The following RFX2 variants were observed in gnomAD, a reference collection of about 807,000 sequenced individuals.
RFX2 encodes the protein regulatory factor X2.
RFX2 carries 20 observed loss-of-function variants against 87.8 expected under a neutral mutation model. That is an observed-to-expected ratio of 0.23 (90% CI 0.16 to 0.33). The LOEUF is 0.33. Ranked by LOEUF, RFX2 falls within the 10% of genes least tolerant of loss-of-function variation. RFX2 has a pLI of 1.00. For synonymous variants in RFX2, 397 were observed against 431.3 expected, an observed-to-expected ratio of 0.92 and a Z score of 0.98; for missense variants, 767 against 1,012.3, an observed-to-expected ratio of 0.76 and a Z score of 3.29.
At chr19:6,003,940 G>A (rs1034742016) in intron 13 of RFX2, among the ~76,000 whole-genome samples, 7 of 152,082 alleles carry the variant, frequency 4.6e-5, no homozygotes, top group African/African-American at 9.7e-5. Context: ...TAAATTTCCC[G>A]AATAAGATGA....
chr19:6,019,329 T>G (rs892996501), intron 6 of RFX2, among the ~76,000 whole-genome samples: 4 of 152,114 alleles, frequency 2.6e-5, no homozygotes. Flanking sequence ...CCCTTCATCT[T>G]CCGACTTTCT....
chr19:6,000,796 G>T (rs1017394134), intron 15 of RFX2, among the ~76,000 whole-genome samples: 1 of 152,372 alleles, frequency 6.6e-6, no homozygotes, highest in African/African-American at 2.4e-5. Flanking sequence ...CATGAGAATG[G>T]ACTAATAATA....
chr19:6,056,053 A>G lies in RFX2; in HGVS notation c.-8-8549T>C, dbSNP rs78074720. Among the ~76,000 whole-genome samples, 3,293 of 152,162 alleles carry G rather than the reference A, an allele frequency of 0.022. 118 individuals are homozygous for G. Among genetic ancestry groups the G allele is most frequent in the African/African-American group, 0.075 (3,116 of 41,500 alleles). ...GGTGGCGGTGGGCGAGAGTGACTGG[A>G]AAGGGACAGGAGGGGACACTCCAGT... On this transcript the variant is annotated intron_variant, in intron 1 of 17. Coordinates refer to ENST00000303657, the MANE Select transcript of RFX2 (RefSeq NM_000635.4). The surrounding 1 kb of genome is among the most constrained non-coding windows in gnomAD (Gnocchi z 4.6).
rs1298920557 is a variant in RFX2, at chr19:5,998,081, G to GC, written c.1860-869dup. On this transcript the variant is annotated intron_variant, in intron 15 of 17. Coordinates refer to ENST00000303657, the MANE Select transcript of RFX2 (RefSeq NM_000635.4). This position sits in a 1 kb window ranked among gnomAD's most constrained non-coding sequence, Gnocchi z 4.2. ...CCAGCACTTTGGGAGGCCAGGGCGG[G>GC]CAGATCACTTGGGGTCAGGAGTTCT... Among the ~76,000 whole-genome samples the GC allele has an allele frequency of 2.6e-5, 4 of 152,126 alleles. No individual in the cohort carries two copies. The highest frequency in any genetic ancestry group is 9.7e-5 in the African/African-American group (4 of 41,420).
chr19:6,100,324 G>A (rs2088099298), intron 1 of RFX2, among the ~76,000 whole-genome samples: 1 of 152,282 alleles, frequency 6.6e-6, no homozygotes, highest in East Asian at 1.9e-4. Flanking sequence ...AACAAAAGTA[G>A]TAAGAAAGTG....
intron 7 of RFX2, among the ~76,000 whole-genome samples, chr19:6,014,403 AT>A (rs1435262248): frequency 1.3e-5 from 2 of 151,766 alleles, no homozygotes; most frequent in Admixed American, 1.3e-4. Context: ...TGCCTGGCTA[AT>A]TTTTTTGTAT....
At position 6,044,377 on chromosome 19, in the gene RFX2, C is replaced by G; in HGVS notation, c.91-95G>C. On this transcript the variant is annotated intron_variant, in intron 2 of 17. Transcript: ENST00000303657. The surrounding 1 kb of genome is among the most constrained non-coding windows in gnomAD (Gnocchi z 5.3). ...AAGATGCTGTTTGTCTGTTCATGTG[C>G]TTTTTATTAAAACATAGGCAGGACT... is the stretch of plus-strand genomic sequence containing the variant. 1.2e-6 allele frequency: 1 copy of G among 829,166 alleles called. No individual in the cohort carries two copies. The highest frequency in any genetic ancestry group is 1.7e-6 in the Non-Finnish European group (1 of 571,606). The allele number at this position is 829,166 out of a possible 1,614,324, so 51.4% of individuals were successfully genotyped here.
chr19:6,082,817 T>C (rs1230013544), intron 1 of RFX2, among the ~76,000 whole-genome samples: 1 of 151,966 alleles, frequency 6.6e-6, no homozygotes, highest in African/African-American at 2.4e-5. Flanking sequence ...GTAGGAGGAG[T>C]GAGTGTGGCC....
At chr19:6,066,078 C>T (rs1341165765) in intron 1 of RFX2, among the ~76,000 whole-genome samples, 1 of 152,112 alleles carries the variant, frequency 6.6e-6, no homozygotes, top group Non-Finnish European at 1.5e-5. Context: ...AGCAACAAAC[C>T]CTTGTCAACA....
chr19:6,107,069 G>GC (rs2088227899), intron 1 of RFX2, among the ~76,000 whole-genome samples: 1 of 149,282 alleles, frequency 6.7e-6, no homozygotes, highest in South Asian at 2.1e-4. Flanking sequence ...GCCAAGGTGG[G>GC]CGGATCACAT....
Position 6,002,963 on chromosome 19 carries a change from AG to A in RFX2, c.1501-94del. On this transcript the variant is annotated intron_variant, in intron 13 of 17. Transcript: ENST00000303657. The surrounding 1 kb of genome is among the most constrained non-coding windows in gnomAD (Gnocchi z 6.7). ...GGGTGTGTGGGCTCAGGGACAACAC[AG>A]GGAGGAGGGAGCAGGAAACAGCAAC... 1 of 1,406,392 alleles carries A rather than the reference AG, an allele frequency of 7.1e-7. No individual in the cohort carries two copies. Among genetic ancestry groups the A allele is most frequent in the Non-Finnish European group, 9.6e-7 (1 of 1,043,376 alleles). The allele number at this position is 1,406,392 out of a possible 1,614,324, so 87.1% of individuals were successfully genotyped here.
Position 6,017,226 on chromosome 19 carries a change from G to C in RFX2, c.598-955C>G, listed in dbSNP as rs1386188219. Among the ~76,000 whole-genome samples the C allele has an allele frequency of 1.3e-5, 2 of 152,196 alleles. No homozygotes were observed. The highest frequency in any genetic ancestry group is 2.9e-5 in the Non-Finnish European group (2 of 68,032). Reference sequence around the variant, plus strand: ...AGCCTGGGCGACAGGGCAAGACTTCGTCTCTTTCAAAAAACGAAACAAAAC... The same window carrying C: ...AGCCTGGGCGACAGGGCAAGACTTCCTCTCTTTCAAAAAACGAAACAAAAC... On this transcript the variant is annotated intron_variant, in intron 6 of 17. Coordinates refer to ENST00000303657, the MANE Select transcript of RFX2 (RefSeq NM_000635.4). The surrounding 1 kb of genome is among the most constrained non-coding windows in gnomAD (Gnocchi z 4.1).
rs1369372069 is a variant in RFX2 at position 6,039,225 on chromosome 19, T to C, written c.522+755A>G. Among the ~76,000 whole-genome samples the C allele has an allele frequency of 6.6e-6, 1 of 152,170 alleles. No homozygotes were observed. Among genetic ancestry groups the C allele is most frequent in the Non-Finnish European group, 1.5e-5 (1 of 68,030 alleles). ...GCCTGTCTGAAAAGGTCACAATCTG[T>C]ACGATTCCATTTATACACCACGCTA... is the stretch of plus-strand genomic sequence containing the variant. On this transcript the variant is annotated intron_variant, in intron 5 of 17. Transcript: ENST00000303657. The surrounding 1 kb of genome is among the most constrained non-coding windows in gnomAD (Gnocchi z 5.2).
intron 1 of RFX2, chr19:6,073,226 C>T (rs1431654879): frequency 9.6e-5 from 56 of 584,184 alleles, no homozygotes; most frequent in South Asian, 8.8e-4. Flanking sequence ...GTGATCCACC[C>T]TCCTCAGCCT....
At chr19:6,053,657 TA>T (rs1231384123) in intron 1 of RFX2, among the ~76,000 whole-genome samples, 1 of 152,048 alleles carries the variant, frequency 6.6e-6, no homozygotes, top group Non-Finnish European at 1.5e-5. Context: ...AACTGCTCTT[TA>T]AAAAAGCAAG....
intron 1 of RFX2, among the ~76,000 whole-genome samples, chr19:6,076,269 G>A (rs10407686): frequency 0.074 from 11,333 of 152,228 alleles, 450 homozygotes; most frequent in Middle Eastern, 0.1. Flanking sequence ...GCCTGAACCC[G>A]GGAGGCTGAG....
At chr19:6,073,567 C>A in intron 1 of RFX2, 9 of 402,588 alleles carry the variant, frequency 2.2e-5, no homozygotes, top group South Asian at 1.4e-4. Flanking sequence ...TAAATAAAAC[C>A]ATAAAAACTG....
At position 6,013,478 on chromosome 19, in the gene RFX2, G is replaced by A. The variant is rs190913768; in HGVS notation, c.780-373C>T. 9.3e-5 allele frequency among the ~76,000 whole-genome samples: 14 copies of A among 149,740 alleles called. No individual in the cohort carries two copies. In the East Asian group the frequency reaches 1.4e-3, roughly 15 times the overall value. On this transcript the variant is annotated intron_variant, in intron 7 of 17. Transcript: ENST00000303657. The surrounding 1 kb of genome is among the most constrained non-coding windows in gnomAD (Gnocchi z 4.1). ...TGGGATTACAGGCGTGAGCCACTGC[G>A]CCTGGCCTCTTCTCTCTTTTTTTTT...
In RFX2 at chr19:6,020,593, G is replaced by A. The variant is rs962877166; in HGVS notation, c.598-4322C>T. Among the ~76,000 whole-genome samples, 8 of 152,314 alleles carry A rather than the reference G, an allele frequency of 5.3e-5. No homozygotes were observed. The highest frequency in any genetic ancestry group is 3.9e-4 in the East Asian group (2 of 5,170). ...CTCGGTGCTGGAGCCCACACCTGGC[G>A]GCACGTCAGACTGCGGCAAGCATCA... On this transcript the variant is annotated intron_variant, in intron 6 of 17. Transcript: ENST00000303657. This position sits in a 1 kb window ranked among gnomAD's most constrained non-coding sequence, Gnocchi z 5.3.
Sources: gnomAD v4.1 joint callset for allele counts (sites outside exome capture counted in the v4.1 genomes callset) on GRCh38, gnomAD v4.1.1 for gene constraint, Gnocchi (gnomAD v3.1) non-coding constraint, MANE v1.5 for transcripts, NCBI Gene and HGNC (gene_info 2026-07-23, HGNC 2026-07-21) for gene names.